MYO9A: variants seen among roughly 807,000 people sequenced by gnomAD.
The protein encoded by MYO9A is myosin IXA, also known as unconventional myosin-IXa.
Under a neutral mutation model 293.3 loss-of-function variants are expected in MYO9A, and 103 were observed. The ratio of observed to expected loss-of-function variants is 0.35; its 90% CI spans 0.30 to 0.41. MYO9A has a LOEUF of 0.41. Ranked by LOEUF, MYO9A falls within the 10% of genes least tolerant of loss-of-function variation. The pLI is 1.00. For missense variants in MYO9A, 2,685 were observed against 3,033.0 expected, an observed-to-expected ratio of 0.89 and a Z score of 2.69; for synonymous variants, 1,001 against 1,035.7, an observed-to-expected ratio of 0.97 and a Z score of 0.64.
At chr15:72,109,703 A>G (rs2151092145) in intron 1 of MYO9A, among the ~76,000 whole-genome samples, 1 of 152,190 alleles carries the variant, frequency 6.6e-6, no homozygotes, top group African/African-American at 2.4e-5. Context: ...AGTCTGGCCA[A>G]TATGGTGAAA....
At chr15:71,869,245 A>C (rs1194075603) in intron 32 of MYO9A, among the ~76,000 whole-genome samples, 1 of 152,178 alleles carries the variant, frequency 6.6e-6, no homozygotes, top group Non-Finnish European at 1.5e-5. Context: ...GAGTTTTTTG[A>C]AACAACCTTG....
intron 18 of MYO9A, among the ~76,000 whole-genome samples, chr15:71,923,214 G>A (rs552028337): frequency 6.5e-4 from 99 of 152,218 alleles, no homozygotes; most frequent in African/African-American, 2.3e-3. Context: ...TTGCATCCCT[G>A]GGATGAATCC....
At chr15:71,955,565 T>C (rs528017667) in intron 14 of MYO9A, among the ~76,000 whole-genome samples, 18 of 152,336 alleles carry the variant, frequency 1.2e-4, no homozygotes, top group African/African-American at 3.6e-4. Flanking sequence ...TAATGTTACA[T>C]GGTAGGAGTA....
intron 2 of MYO9A, among the ~76,000 whole-genome samples, chr15:72,040,910 G>A (rs2149585656): frequency 6.6e-6 from 1 of 152,280 alleles, no homozygotes; most frequent in Middle Eastern, 3.4e-3. Context: ...AGAATTTACA[G>A]CACTAAATAA....
Position 71,899,901 on chromosome 15 carries a change from G to C in MYO9A, c.3256C>G (p.Arg1086Gly). 1 of 1,614,014 alleles carries C rather than the reference G, an allele frequency of 6.2e-7. No individual in the cohort carries two copies. Among genetic ancestry groups the C allele is most frequent in the Non-Finnish European group, 8.5e-7 (1 of 1,180,020 alleles). The change falls in exon 24 of 42, where the codon CGT becomes GGT. Residue 1086 changes from arginine (R) to glycine (G), a missense_variant. Coordinates refer to ENST00000356056, the MANE Select transcript of MYO9A (RefSeq NM_006901.4). ...TACCGCTGCCTCTCTAAGTGAGCAC[G>C]CCAGGAAGCTTGGAGAAGAGCAGCT... is the stretch of plus-strand genomic sequence containing the variant. ...SAAALLQASWRAHLERQRYLE... is the reference protein window; with the variant it reads ...SAAALLQASWGAHLERQRYLE...
At chr15:71,986,241 T>C (rs116070016) in intron 11 of MYO9A, among the ~76,000 whole-genome samples, 119 of 152,332 alleles carry the variant, frequency 7.8e-4, no homozygotes, top group African/African-American at 2.6e-3. Flanking sequence ...AGAATGTGCA[T>C]AGGTTATGTG....
chr15:72,099,422 CA>C lies in MYO9A; in HGVS notation c.-72+18257del, dbSNP rs57019438. The stretch of plus-strand genomic sequence containing the variant: ...TGGGCAATAGAGCAAGACCCTGCCC[CA>C]AAAAAAAAAAAAAAAAAAAGAAAAA... On this transcript the variant is annotated intron_variant, in intron 1 of 41. Coordinates refer to ENST00000356056, the MANE Select transcript of MYO9A (RefSeq NM_006901.4). Among the ~76,000 whole-genome samples the C allele has an allele frequency of 1.0e-3, 94 of 90,180 alleles. 2 individuals are homozygous for C. The highest frequency in any genetic ancestry group is 1.2e-3 in the Non-Finnish European group (61 of 50,998). The allele number at this position is 90,180 out of a possible 152,430, so 59.2% of individuals were successfully genotyped here.
rs373295965 is a variant in MYO9A at position 71,898,052 on chromosome 15, T to G, written c.4451A>C (p.Asn1484Thr). 15 of 1,614,060 alleles carry G rather than the reference T, an allele frequency of 9.3e-6. No individual in the cohort carries two copies. The African/African-American group carries it at 2.0e-4, about 22-fold the overall frequency. The change falls in exon 25 of 42, where the codon AAT (asparagine) becomes ACT (threonine). Residue 1484 changes from asparagine to threonine, a missense_variant. This residue lies in a region of MYO9A where 1,434 missense variants were observed against 1,497.7 expected (regional missense o/e 0.96). Coordinates refer to ENST00000356056, the MANE Select transcript of MYO9A (RefSeq NM_006901.4). ...IVPSLNTESS[N>T]PVLKKLEKLN... ...CTTTTCTAACTTCTTAAGCACAGGA[T>G]TAGAAGACTCTGTATTCAAAGAAGG...
At chr15:72,087,269 T>C (rs1026417614) in intron 1 of MYO9A, among the ~76,000 whole-genome samples, 1 of 152,200 alleles carries the variant, frequency 6.6e-6, no homozygotes, top group Non-Finnish European at 1.5e-5. Context: ...TCTGACTTTC[T>C]CTAGGGCTAA....
intron 19 of MYO9A, among the ~76,000 whole-genome samples, chr15:71,909,349 C>T (rs1472423769): frequency 6.6e-6 from 1 of 152,162 alleles, no homozygotes; most frequent in East Asian, 1.9e-4. Context: ...AGTGGCTGTA[C>T]CATTTTGCAT....
At chr15:72,023,578 C>G (rs1375218253) in intron 4 of MYO9A, among the ~76,000 whole-genome samples, 2 of 151,682 alleles carry the variant, frequency 1.3e-5, no homozygotes, top group East Asian at 3.9e-4. Flanking sequence ...ACCTGTAATC[C>G]TAGCTACTCA....
chr15:72,007,838 T>C lies in MYO9A; in HGVS notation c.1368A>G (p.Ser456=). The C allele has an allele frequency of 1.2e-6, 2 of 1,610,040 alleles. No individual in the cohort carries two copies. The highest frequency in any genetic ancestry group is 1.7e-6 in the Non-Finnish European group (2 of 1,178,906). ...ICNPEVLPIV[S]ELLEVKEEML... Reference sequence around the variant, plus strand: ...TGTAATCACTCACCTCTAATAATTCTGAGACAATAGGCAGAACTTCAGGAT... The same window carrying C: ...TGTAATCACTCACCTCTAATAATTCCGAGACAATAGGCAGAACTTCAGGAT... The change falls in exon 8 of 42, where the codon TCA becomes TCG. Residue 456 remains serine, a synonymous_variant. Coordinates refer to ENST00000356056, the MANE Select transcript of MYO9A (RefSeq NM_006901.4).
chr15:72,114,002 G>C (rs2080876754), intron 1 of MYO9A, among the ~76,000 whole-genome samples: 1 of 152,134 alleles, frequency 6.6e-6, no homozygotes, highest in Admixed American at 6.5e-5. Flanking sequence ...TATGACATAG[G>C]GGGAAAAAAA....
intron 28 of MYO9A, among the ~76,000 whole-genome samples, chr15:71,882,653 T>G (rs1467885122): frequency 6.6e-6 from 1 of 152,098 alleles, no homozygotes; most frequent in Non-Finnish European, 1.5e-5. Context: ...ATAATAGCTA[T>G]TATAAAGTGC....
intron 40 of MYO9A, among the ~76,000 whole-genome samples, chr15:71,829,766 T>G (rs1193673361): frequency 6.6e-6 from 1 of 152,118 alleles, no homozygotes; most frequent in Non-Finnish European, 1.5e-5. Flanking sequence ...CTGTTAGGAC[T>G]CCAGTACCTC....
intron 2 of MYO9A, 132 bp from the exon 3 acceptor site, chr15:72,032,720 G>A (rs1026856483): frequency 1.9e-6 from 1 of 518,108 alleles, no homozygotes; most frequent in Non-Finnish European, 3.2e-6. Flanking sequence ...CAATTTGCTT[G>A]TATGTTCAGA....
intron 2 of MYO9A, among the ~76,000 whole-genome samples, chr15:72,043,933 CTTT>C (rs3028362): frequency 1.1e-3 from 148 of 140,516 alleles, no homozygotes; most frequent in Non-Finnish European, 1.3e-3. Context: ...ATTCCCTTTC[CTTT>C]TTTTTTTTTT....
At chr15:72,092,058 G>T (rs1283024400) in intron 1 of MYO9A, among the ~76,000 whole-genome samples, 7 of 152,134 alleles carry the variant, frequency 4.6e-5, no homozygotes, top group African/African-American at 1.7e-4. Context: ...TAATGTTAAA[G>T]AATTATAAGC....
At chr15:71,969,028 G>T (rs910491770) in intron 12 of MYO9A, among the ~76,000 whole-genome samples, 2 of 152,162 alleles carry the variant, frequency 1.3e-5, no homozygotes, top group Non-Finnish European at 2.9e-5. Flanking sequence ...TTTAGCATCA[G>T]ATAATCATAG....
Sources: gnomAD v4.1 joint callset for allele counts (sites outside exome capture counted in the v4.1 genomes callset) on GRCh38, gnomAD v4.1.1 for gene constraint, gnomAD v4.1.1 regional missense constraint, MANE v1.5 for transcripts, NCBI Gene and HGNC (gene_info 2026-07-23, HGNC 2026-07-21) for gene names.